The following STRN3 variants were observed in gnomAD, a reference collection of about 807,000 sequenced individuals.
STRN3 encodes the protein striatin 3, also known as striatin-3.
STRN3 carries 29 observed loss-of-function variants against 95.6 expected under a neutral mutation model. The ratio of observed to expected loss-of-function variants is 0.30; its 90% CI spans 0.23 to 0.41. The LOEUF (loss-of-function observed/expected upper bound fraction) is 0.41, where lower values mean the gene tolerates loss of function less well. Ranked by LOEUF, STRN3 falls within the 10% of genes least tolerant of loss-of-function variation. STRN3 has a pLI of 1.00. For missense variants in STRN3, 890 were observed against 972.1 expected, an observed-to-expected ratio of 0.92 and a Z score of 1.12; for synonymous variants, 331 against 357.6, an observed-to-expected ratio of 0.93 and a Z score of 0.84.
intron 5 of STRN3, among the ~76,000 whole-genome samples, chr14:30,946,314 G>A (rs1379201233): frequency 6.6e-6 from 1 of 151,250 alleles, no homozygotes; most frequent in Non-Finnish European, 1.5e-5. Context: ...AGGCTGAGGC[G>A]GGCAGGCTGT....
chr14:30,987,067 G>T (rs1881726588), intron 1 of STRN3, among the ~76,000 whole-genome samples: 1 of 151,994 alleles, frequency 6.6e-6, no homozygotes, highest in Non-Finnish European at 1.5e-5. Flanking sequence ...CCTCTTTATG[G>T]TACAAGAAGG....
chr14:30,910,053 C>T (rs1399285117), intron 13 of STRN3, among the ~76,000 whole-genome samples: 6 of 152,146 alleles, frequency 3.9e-5, no homozygotes. Flanking sequence ...TTTCTCTTTC[C>T]ACTCTTCTCG....
At chr14:31,000,329 G>A (rs1163124285) in intron 1 of STRN3, among the ~76,000 whole-genome samples, 2 of 151,890 alleles carry the variant, frequency 1.3e-5, no homozygotes, top group African/African-American at 4.8e-5. Flanking sequence ...CTGTGTTGAT[G>A]GGTATACAAT....
intron 13 of STRN3, among the ~76,000 whole-genome samples, chr14:30,909,618 T>C (rs982487020): frequency 1.3e-5 from 2 of 152,080 alleles, no homozygotes; most frequent in African/African-American, 4.8e-5. Flanking sequence ...TCTGGGACTA[T>C]AGGCATGTGA....
At chr14:30,935,800 T>C (rs1230634824) in intron 6 of STRN3, among the ~76,000 whole-genome samples, 1 of 152,216 alleles carries the variant, frequency 6.6e-6, no homozygotes, top group Non-Finnish European at 1.5e-5. Flanking sequence ...ACGTTATACA[T>C]ATAGAATGTG....
chr14:31,020,126 C>T (rs1020525202), intron 1 of STRN3, among the ~76,000 whole-genome samples: 1 of 152,126 alleles, frequency 6.6e-6, no homozygotes, highest in Non-Finnish European at 1.5e-5. Flanking sequence ...CCCGATACTT[C>T]AGATCTAGAA....
At position 30,951,763 on chromosome 14, in the gene STRN3, C is replaced by T. The variant is rs750287882; in HGVS notation, c.461-819G>A. ...AAATTAAACCAGAAAATAGTTTTTACTATAGGTAGAGTCATTATTTTATTT... is the reference window on the plus strand; with the variant it reads ...AAATTAAACCAGAAAATAGTTTTTATTATAGGTAGAGTCATTATTTTATTT... On this transcript the variant is annotated intron_variant, in intron 3 of 17. Coordinates refer to ENST00000357479, the MANE Select transcript of STRN3 (RefSeq NM_001083893.2). 2.0e-5 allele frequency among the ~76,000 whole-genome samples: 3 copies of T among 152,046 alleles called. No individual in the cohort carries two copies. The East Asian group carries it at 5.8e-4, about 29-fold the overall frequency.
chr14:31,021,598 C>G (rs1174252731), intron 1 of STRN3, among the ~76,000 whole-genome samples: 2 of 151,972 alleles, frequency 1.3e-5, no homozygotes, highest in African/African-American at 2.4e-5. Flanking sequence ...AACCAGAACC[C>G]CACATAATAA....
At chr14:31,021,253 C>T (rs960798055) in intron 1 of STRN3, among the ~76,000 whole-genome samples, 27 of 152,160 alleles carry the variant, frequency 1.8e-4, no homozygotes, top group African/African-American at 5.1e-4. Context: ...GACATCTGGA[C>T]GCCAAAAATC....
Position 30,936,513 on chromosome 14 carries a change from A to G in STRN3, c.828T>C (p.His276=). 6.2e-7 allele frequency: 1 copy of G among 1,613,286 alleles called. No individual in the cohort carries two copies. Among genetic ancestry groups the G allele is most frequent in the Non-Finnish European group, 8.5e-7 (1 of 1,179,732 alleles). Residue 276 remains histidine (H), a synonymous_variant, in exon 6 of 18, where the codon CAT becomes CAC. Coordinates refer to ENST00000357479, the MANE Select transcript of STRN3 (RefSeq NM_001083893.2). ...IEGIPEGKDK[H]RMNKHKIGNE... ...TTCCTACTTTATGTTTATTCATCCG[A>G]TGTTTGTCTTTTCCTTCTGGGATGC... is the stretch of plus-strand genomic sequence containing the variant.
chr14:30,897,356 G>A (rs1295114800), intron 16 of STRN3, among the ~76,000 whole-genome samples: 5 of 152,108 alleles, frequency 3.3e-5, no homozygotes, highest in African/African-American at 7.2e-5. Flanking sequence ...AGGCTGAAGC[G>A]GGCAGATCAC....
At position 31,026,285 on chromosome 14, in the gene STRN3, C is replaced by T. The variant is rs924589225; in HGVS notation, c.-100G>A. The T allele has an allele frequency of 4.0e-6, 5 of 1,257,992 alleles. No individual in the cohort carries two copies. Among genetic ancestry groups the T allele is most frequent in the Non-Finnish European group, 5.1e-6 (5 of 980,552 alleles). 77.9% of individuals were successfully genotyped at this position (1,257,992 alleles called of 1,614,324 possible). On this transcript the variant is annotated 5_prime_UTR_variant, in exon 1 of 18. Transcript: ENST00000357479. Reference sequence around the variant, plus strand: ...CGCTGGCTGCGGGGCGGAGGCCGGCCGGGAGAGGGGCGGGGAAGGGGTCGT... The same window carrying T: ...CGCTGGCTGCGGGGCGGAGGCCGGCTGGGAGAGGGGCGGGGAAGGGGTCGT...
At chr14:30,972,893 A>G (rs1373416719) in intron 1 of STRN3, among the ~76,000 whole-genome samples, 1 of 152,220 alleles carries the variant, frequency 6.6e-6, no homozygotes, top group Non-Finnish European at 1.5e-5. Context: ...ACAGAGCTAT[A>G]TAATATTTAT....
intron 1 of STRN3, among the ~76,000 whole-genome samples, chr14:30,998,901 T>C (rs1241718443): frequency 1.3e-5 from 2 of 152,114 alleles, no homozygotes; most frequent in Non-Finnish European, 2.9e-5. Context: ...AGCCCAGTAG[T>C]TCAAATCCAG....
At chr14:30,933,508 A>AT (rs1247393500) in intron 7 of STRN3, among the ~76,000 whole-genome samples, 1 of 151,976 alleles carries the variant, frequency 6.6e-6, no homozygotes, top group Non-Finnish European at 1.5e-5. Context: ...GGAAAAAACA[A>AT]TACTTTTGAA....
chr14:30,984,085 G>A (rs1288314275), intron 1 of STRN3, among the ~76,000 whole-genome samples: 2 of 149,562 alleles, frequency 1.3e-5, no homozygotes, highest in Non-Finnish European at 3.0e-5. Flanking sequence ...GATATTGCAA[G>A]ATATCTTGGA....
intron 8 of STRN3, among the ~76,000 whole-genome samples, chr14:30,922,029 G>C (rs1435152216): frequency 1.3e-5 from 2 of 151,836 alleles, no homozygotes; most frequent in African/African-American, 4.8e-5. Context: ...TGGGACCACA[G>C]GCACGTACCA....
At chr14:30,896,785 T>TC (rs1234137842) in intron 16 of STRN3, among the ~76,000 whole-genome samples, 11 of 152,130 alleles carry the variant, frequency 7.2e-5, no homozygotes, top group Non-Finnish European at 1.3e-4. Flanking sequence ...ACTCTAGATT[T>TC]CCCCAGATAT....
chr14:30,929,954 C>CAAAAAAAAAAACAAAAAAAA (rs1393194244), intron 7 of STRN3, among the ~76,000 whole-genome samples: 2 of 39,994 alleles, frequency 5.0e-5, no homozygotes, highest in Admixed American at 3.3e-4. Context: ...CTAAGATTAG[C>CAAAAAAAAAAACAAAAAAAA]AAAAAAAAAA....
Sources: gnomAD v4.1 joint callset for allele counts (sites outside exome capture counted in the v4.1 genomes callset) on GRCh38, gnomAD v4.1.1 for gene constraint, MANE v1.5 for transcripts, NCBI Gene and HGNC (gene_info 2026-07-23, HGNC 2026-07-21) for gene names.